The following NKAIN2 variants were observed in gnomAD, a reference collection of about 807,000 sequenced individuals.
The protein encoded by NKAIN2 is sodium/potassium transporting ATPase interacting 2.
In NKAIN2, 14 loss-of-function variants were observed where a neutral mutation model predicts 32.6. The observed-to-expected ratio is 0.43, with a 90% CI of 0.28 to 0.67. The LOEUF (loss-of-function observed/expected upper bound fraction) is 0.67. NKAIN2 is among the 30% of genes least tolerant of loss of function. The pLI, the probability that NKAIN2 is intolerant of heterozygous loss-of-function variation, is 0.17. For synonymous variants in NKAIN2, 80 were observed against 87.2 expected, an observed-to-expected ratio of 0.92 and a Z score of 0.46; for missense variants, 198 against 258.3, an observed-to-expected ratio of 0.77 and a Z score of 1.60.
intron 4 of NKAIN2, among the ~76,000 whole-genome samples, chr6:124,725,249 A>AT (rs1274261358): frequency 2.0e-5 from 3 of 151,746 alleles, no homozygotes; most frequent in African/African-American, 2.4e-5. Context: ...TCTTTTGGCC[A>AT]TTTTTTTTGA....
intron 1 of NKAIN2, among the ~76,000 whole-genome samples, chr6:124,108,961 TC>T (rs2114965426): frequency 6.6e-6 from 1 of 152,168 alleles, no homozygotes; most frequent in South Asian, 2.1e-4. Context: ...TATTTTGGAA[TC>T]AGTAAGTACT....
chr6:124,242,749 G>A (rs904551398), intron 1 of NKAIN2, among the ~76,000 whole-genome samples: 8 of 152,074 alleles, frequency 5.3e-5, no homozygotes, highest in African/African-American at 9.7e-5. Context: ...GCAGGGACAT[G>A]GATTAAACTG....
At chr6:124,062,811 A>G (rs1782979335) in intron 1 of NKAIN2, among the ~76,000 whole-genome samples, 1 of 152,142 alleles carries the variant, frequency 6.6e-6, no homozygotes, top group African/African-American at 2.4e-5. Flanking sequence ...GATAGTACAT[A>G]CTTAGTGGGT....
intron 3 of NKAIN2, among the ~76,000 whole-genome samples, chr6:124,408,892 C>A (rs979161071): frequency 3.3e-5 from 5 of 152,146 alleles, no homozygotes; most frequent in Non-Finnish European, 7.3e-5. Context: ...GTTTGTAGTT[C>A]TCCTTGAAGT....
chr6:124,544,338 C>G (rs1228517895), intron 3 of NKAIN2, among the ~76,000 whole-genome samples: 1 of 135,542 alleles, frequency 7.4e-6, no homozygotes, highest in Admixed American at 7.1e-5. Context: ...TCTCCAACCA[C>G]AGAAGCCTCA....
chr6:123,891,273 A>G (rs1250031019), intron 1 of NKAIN2, among the ~76,000 whole-genome samples: 1 of 152,192 alleles, frequency 6.6e-6, no homozygotes, highest in Non-Finnish European at 1.5e-5. Context: ...GGGGATGATG[A>G]TACAACACTG....
intron 3 of NKAIN2, chr6:124,490,411 GGT>G: frequency 4.3e-6 from 1 of 231,876 alleles, no homozygotes; most frequent in Middle Eastern, 5.5e-4. Context: ...GAATCATAGA[GGT>G]TTTTTTTTTT....
intron 1 of NKAIN2, among the ~76,000 whole-genome samples, chr6:123,825,295 A>C (rs563615555): frequency 6.6e-6 from 1 of 152,326 alleles, no homozygotes; most frequent in Non-Finnish European, 1.5e-5. Context: ...ACAGTCATTA[A>C]GGGTAAACAA....
chr6:124,754,078 T>A (rs1777850144), intron 4 of NKAIN2, among the ~76,000 whole-genome samples: 1 of 152,116 alleles, frequency 6.6e-6, no homozygotes, highest in Non-Finnish European at 1.5e-5. Context: ...AAAGCGCTTG[T>A]TGAATCCCTT....
chr6:124,651,251 C>T (rs774811332), intron 3 of NKAIN2, among the ~76,000 whole-genome samples: 4 of 152,326 alleles, frequency 2.6e-5, no homozygotes, highest in African/African-American at 7.2e-5. Context: ...TATAGCAGCT[C>T]TCACAGGATA....
intron 1 of NKAIN2, among the ~76,000 whole-genome samples, chr6:123,922,675 A>T (rs1024067191): frequency 6.6e-6 from 1 of 152,014 alleles, no homozygotes; most frequent in Non-Finnish European, 1.5e-5. Context: ...CAATTTTCTC[A>T]ATGTGCATGG....
intron 3 of NKAIN2, among the ~76,000 whole-genome samples, chr6:124,601,170 T>A (rs996194463): frequency 1.3e-5 from 2 of 152,096 alleles, no homozygotes; most frequent in Admixed American, 1.3e-4. Context: ...ATGAGGTAGA[T>A]CCAGTTGAAT....
chr6:124,083,735 A>G (rs1216846183), intron 1 of NKAIN2, among the ~76,000 whole-genome samples: 1 of 152,038 alleles, frequency 6.6e-6, no homozygotes, highest in Non-Finnish European at 1.5e-5. Flanking sequence ...GTACATGCAA[A>G]AAAGACACAA....
intron 3 of NKAIN2, among the ~76,000 whole-genome samples, chr6:124,408,563 T>A (rs1369456335): frequency 2.6e-5 from 4 of 152,216 alleles, no homozygotes; most frequent in Non-Finnish European, 5.9e-5. Context: ...TATATGTCTG[T>A]TTTGGTACCA....
intron 3 of NKAIN2, among the ~76,000 whole-genome samples, chr6:124,614,070 C>T (rs962321233): frequency 6.6e-6 from 1 of 152,138 alleles, no homozygotes; most frequent in Non-Finnish European, 1.5e-5. Flanking sequence ...ATTTTCCCTA[C>T]CAAATTTTTT....
chr6:124,476,791 CCT>C (rs1394293472), intron 3 of NKAIN2, among the ~76,000 whole-genome samples: 1 of 152,032 alleles, frequency 6.6e-6, no homozygotes, highest in Admixed American at 6.6e-5. Context: ...TGTTACTGCC[CCT>C]GTTTTATTTC....
At chr6:123,884,559 TAATC>T (rs1773624470) in intron 1 of NKAIN2, among the ~76,000 whole-genome samples, 1 of 152,164 alleles carries the variant, frequency 6.6e-6, no homozygotes, top group Non-Finnish European at 1.5e-5. Context: ...TTAGTTTAAT[TAATC>T]CTCTAATAAT....
At chr6:124,253,466 G>C (rs959069070) in intron 1 of NKAIN2, among the ~76,000 whole-genome samples, 2 of 152,068 alleles carry the variant, frequency 1.3e-5, no homozygotes, top group Non-Finnish European at 1.5e-5. Flanking sequence ...AATAGGGATG[G>C]AGTTATATTT....
chr6:123,990,524 G>C lies in NKAIN2; in HGVS notation c.54+186270G>C, dbSNP rs1045598092. Among the ~76,000 whole-genome samples the C allele has an allele frequency of 1.4e-4, 21 of 152,234 alleles. No homozygotes were observed. The East Asian group carries it at 3.9e-3, about 28-fold the overall frequency. ...TGCTGTTGTGGAAAGGACTATCCAC[G>C]AAACCACTGGCTTTTCCTATGTTGC... On this transcript the variant is annotated intron_variant, in intron 1 of 6. Coordinates refer to ENST00000368417, the MANE Select transcript of NKAIN2 (RefSeq NM_001040214.3).
Sources: allele counts gnomAD v4.1 joint callset (sites outside exome capture counted in the v4.1 genomes callset), GRCh38; gene constraint gnomAD v4.1.1; transcripts MANE v1.5; gene names NCBI Gene and HGNC (gene_info 2026-07-23, HGNC 2026-07-21).